ARHGAP10: variants seen among roughly 807,000 people sequenced by gnomAD.
ARHGAP10 encodes the protein rho GTPase-activating protein 10.
In ARHGAP10, 87 loss-of-function variants were observed where a neutral mutation model predicts 108.6. The ratio of observed to expected loss-of-function variants is 0.80; its 90% CI spans 0.67 to 0.96. ARHGAP10 has a LOEUF of 0.96. ARHGAP10 is among the 40% of genes least tolerant of loss of function. ARHGAP10 has a pLI of 0.00. For synonymous variants in ARHGAP10, 347 were observed against 341.1 expected (o/e 1.02, Z -0.19); for missense variants, 939 against 954.5 (o/e 0.98, Z 0.21).
At chr4:147,898,230 T>C (rs1331436627) in intron 10 of ARHGAP10, among the ~76,000 whole-genome samples, 1 of 152,222 alleles carries the variant, frequency 6.6e-6, no homozygotes, top group Non-Finnish European at 1.5e-5. Context: ...ATTTCTTTCC[T>C]ATTTTGTCTG....
chr4:148,039,768 C>T (rs1334861548), intron 19 of ARHGAP10, among the ~76,000 whole-genome samples: 3 of 151,940 alleles, frequency 2.0e-5, no homozygotes, highest in Admixed American at 2.0e-4. Flanking sequence ...GCAGGATTTT[C>T]CTTACTCCTC....
chr4:147,964,187 C>T (rs1228800466), intron 16 of ARHGAP10, among the ~76,000 whole-genome samples: 2 of 152,176 alleles, frequency 1.3e-5, no homozygotes, highest in African/African-American at 2.4e-5. Flanking sequence ...GCCTCCTCTG[C>T]GGGCCCTTAC....
At chr4:147,736,200 C>A (rs1379364831) in intron 1 of ARHGAP10, among the ~76,000 whole-genome samples, 3 of 151,550 alleles carry the variant, frequency 2.0e-5, no homozygotes, top group African/African-American at 7.3e-5. Flanking sequence ...ACTAAACATG[C>A]ATGGAAAAGG....
intron 20 of ARHGAP10, among the ~76,000 whole-genome samples, chr4:148,060,153 G>A (rs542764344): frequency 6.6e-6 from 1 of 152,166 alleles, no homozygotes; most frequent in Admixed American, 6.5e-5. Flanking sequence ...CCTTCAAAAT[G>A]TTTTAAATAA....
intron 19 of ARHGAP10, among the ~76,000 whole-genome samples, chr4:148,033,890 T>C (rs1336371779): frequency 6.6e-6 from 1 of 152,198 alleles, no homozygotes; most frequent in African/African-American, 2.4e-5. Flanking sequence ...TGCTTTCTCA[T>C]GGTTACGTTG....
intron 4 of ARHGAP10, among the ~76,000 whole-genome samples, chr4:147,850,606 G>A (rs553877926): frequency 5.3e-4 from 81 of 152,104 alleles, no homozygotes; most frequent in African/African-American, 1.6e-3. Context: ...AAGAAACTCC[G>A]GACACATCTG....
At chr4:147,771,948 C>G (rs998211800) in intron 1 of ARHGAP10, among the ~76,000 whole-genome samples, 1 of 152,164 alleles carries the variant, frequency 6.6e-6, no homozygotes, top group Non-Finnish European at 1.5e-5. Context: ...TGCGCCACCA[C>G]GCCCAGCTAA....
intron 20 of ARHGAP10, among the ~76,000 whole-genome samples, chr4:148,058,599 C>G (rs563879954): frequency 1.1e-3 from 165 of 152,174 alleles, no homozygotes; most frequent in Non-Finnish European, 2.0e-3. Flanking sequence ...CTCCCTTCCC[C>G]CTTTCTGAAA....
intron 13 of ARHGAP10, among the ~76,000 whole-genome samples, chr4:147,923,854 A>C (rs1737343767): frequency 6.6e-6 from 1 of 152,228 alleles, no homozygotes; most frequent in East Asian, 1.9e-4. Flanking sequence ...TATGGAAAGG[A>C]AGATGTCCAG....
chr4:147,753,075 A>G (rs1411081667), intron 1 of ARHGAP10, among the ~76,000 whole-genome samples: 1 of 152,234 alleles, frequency 6.6e-6, no homozygotes, highest in East Asian at 1.9e-4. Context: ...AAGTAATAGT[A>G]TCAGTGAAGA....
intron 22 of ARHGAP10, among the ~76,000 whole-genome samples, chr4:148,071,032 C>A (rs1730152170): frequency 6.6e-6 from 1 of 152,174 alleles, no homozygotes; most frequent in African/African-American, 2.4e-5. Context: ...ATGTATAAGG[C>A]TCAGGCTGCC....
chr4:147,891,769 A>AT (rs1735803008), intron 10 of ARHGAP10, among the ~76,000 whole-genome samples: 1 of 152,054 alleles, frequency 6.6e-6, no homozygotes, highest in African/African-American at 2.4e-5. Context: ...TAGGTCTCTC[A>AT]TTTTTTTAGG....
At chr4:147,837,670 TAGC>T (rs1553955237) in intron 3 of ARHGAP10, among the ~76,000 whole-genome samples, 15 of 132,682 alleles carry the variant, frequency 1.1e-4, no homozygotes, top group South Asian at 2.3e-4. Context: ...TTTAAAGCAG[TAGC>T]TTTTGAATCC....
chr4:147,787,675 T>G (rs1383909935), intron 1 of ARHGAP10, among the ~76,000 whole-genome samples: 1 of 152,204 alleles, frequency 6.6e-6, no homozygotes, highest in African/African-American at 2.4e-5. Flanking sequence ...CGTGCTTCCC[T>G]GGCTCAGCCC....
intron 1 of ARHGAP10, among the ~76,000 whole-genome samples, chr4:147,782,923 T>G (rs1035478091): frequency 1.2e-4 from 17 of 142,732 alleles, no homozygotes; most frequent in Middle Eastern, 3.7e-3. Flanking sequence ...ATATAAATTA[T>G]ATAATATATA....
intron 13 of ARHGAP10, among the ~76,000 whole-genome samples, chr4:147,938,285 G>A (rs1464512239): frequency 2.6e-5 from 4 of 151,982 alleles, no homozygotes; most frequent in Non-Finnish European, 5.9e-5. Flanking sequence ...CCTGGGTGAT[G>A]AAATAGTCTG....
chr4:147,969,401 C>T (rs932272001), intron 18 of ARHGAP10, among the ~76,000 whole-genome samples: 14 of 143,000 alleles, frequency 9.8e-5, no homozygotes, highest in African/African-American at 3.2e-4. Context: ...TGTTATTAAG[C>T]CTCATTAGTG....
intron 18 of ARHGAP10, among the ~76,000 whole-genome samples, chr4:148,008,493 A>G (rs539750240): frequency 4.6e-4 from 69 of 151,504 alleles, no homozygotes; most frequent in African/African-American, 1.4e-3. Flanking sequence ...TACTGCTGGT[A>G]TGTATCTAGT....
chr4:147,861,104 G>C (rs1463097505), intron 5 of ARHGAP10: 1 of 152,252 alleles, frequency 6.6e-6, no homozygotes, highest in African/African-American at 2.4e-5. Context: ...TTGTGCTACT[G>C]GCCTGGATCT....
Sources: allele counts gnomAD v4.1 joint callset (sites outside exome capture counted in the v4.1 genomes callset), GRCh38; gene constraint gnomAD v4.1.1; transcripts MANE v1.5; gene names NCBI Gene and HGNC (gene_info 2026-07-23, HGNC 2026-07-21).